Variants in SCG5 observed in about 807,000 individuals in gnomAD.
SCG5 encodes neuroendocrine protein 7B2.
Under a neutral mutation model 25.7 loss-of-function variants are expected in SCG5, and 18 were observed. The ratio of observed to expected loss-of-function variants is 0.70; its 90% CI spans 0.48 to 1.04. The LOEUF (loss-of-function observed/expected upper bound fraction) is 1.04. Among genes scored for constraint, SCG5 ranks in the 50% least tolerant of loss-of-function variants. The probability of loss-of-function intolerance (pLI) is 0.00; values close to 1 mark genes in which losing one functional copy is unlikely to be tolerated. For synonymous variants in SCG5, 101 were observed against 91.7 expected (o/e 1.10, Z -0.58); for missense variants, 206 against 259.8 (o/e 0.79, Z 1.42).
At chr15:32,658,412 G>A (rs1205247004) in intron 2 of SCG5, among the ~76,000 whole-genome samples, 1 of 152,210 alleles carries the variant, frequency 6.6e-6, no homozygotes, top group Non-Finnish European at 1.5e-5. Flanking sequence ...TTGAGGACGG[G>A]TAGGATGTAG....
chr15:32,691,995 A>T (rs6494593), intron 5 of SCG5: 1 of 1,382,334 alleles, frequency 7.2e-7, no homozygotes, highest in Non-Finnish European at 9.3e-7. Context: ...AGTCTGTAGC[A>T]ATTCTAGCAA....
intron 4 of SCG5, among the ~76,000 whole-genome samples, chr15:32,686,893 C>T (rs1047374923): frequency 6.6e-6 from 1 of 152,088 alleles, no homozygotes; most frequent in African/African-American, 2.4e-5. Context: ...ATTCTGAGGG[C>T]CAGGGGCAAT....
At chr15:32,648,858 G>A (rs2053991042) in intron 2 of SCG5, among the ~76,000 whole-genome samples, 1 of 150,656 alleles carries the variant, frequency 6.6e-6, no homozygotes, top group East Asian at 1.9e-4. Flanking sequence ...TGCAAGCTCC[G>A]CCTCCCGGGT....
intron 5 of SCG5, 159 bp downstream of exon 5, chr15:32,691,922 T>G: frequency 6.8e-7 from 1 of 1,471,312 alleles, no homozygotes; most frequent in East Asian, 2.6e-5. Context: ...ACCCAGAAAG[T>G]CTGTCCTTGG....
chr15:32,656,925 GT>G (rs1463404832), intron 2 of SCG5, among the ~76,000 whole-genome samples: 2 of 151,574 alleles, frequency 1.3e-5, no homozygotes, highest in African/African-American at 4.8e-5. Flanking sequence ...GGGGGACTTG[GT>G]TTGTACAGCA....
At chr15:32,692,372 A>G (rs1442666154) in intron 5 of SCG5, 1 of 668,152 alleles carries the variant, frequency 1.5e-6, no homozygotes, top group Admixed American at 6.3e-5. Context: ...TGCCCAAGGT[A>G]GGAACTTGGT....
chr15:32,659,724 G>A (rs188478977), intron 2 of SCG5, among the ~76,000 whole-genome samples: 10 of 152,286 alleles, frequency 6.6e-5, no homozygotes, highest in South Asian at 2.1e-4. Context: ...AGCCCTGCAC[G>A]GTTTGGACAA....
At chr15:32,642,593 A>G (rs993539681) in intron 1 of SCG5, among the ~76,000 whole-genome samples, 1 of 150,320 alleles carries the variant, frequency 6.7e-6, no homozygotes. Context: ...AAAAAAAAAA[A>G]AAGGGTTTGC....
Position 32,643,735 on chromosome 15 carries a change from T to C in SCG5, c.143T>C (p.Met48Thr), listed in dbSNP as rs775209230. The change falls in exon 2 of 6, where the codon ATG becomes ACG. Residue 48 changes from methionine to threonine, a missense_variant. By Grantham distance (81) the Met-to-Thr change is moderately conservative. Coordinates refer to ENST00000300175, the MANE Select transcript of SCG5 (RefSeq NM_001144757.3). ...ATCCAGAGGCTGCTTCATGGTGTTA[T>C]GGAGCAATTGGGCATTGCCAGGCCC... ...ADIQRLLHGV[M>T]EQLGIARPRV... The C allele has an allele frequency of 2.5e-6, 4 of 1,613,870 alleles. No individual in the cohort carries two copies. Among genetic ancestry groups the C allele is most frequent in the South Asian group, 1.1e-5 (1 of 91,084 alleles).
chr15:32,646,140 T>C (rs1206325329), intron 2 of SCG5, among the ~76,000 whole-genome samples: 1 of 152,226 alleles, frequency 6.6e-6, no homozygotes, highest in Admixed American at 6.5e-5. Context: ...AAGTCTCCCC[T>C]ATCAGTATCT....
chr15:32,672,470 C>G (rs1403127311), intron 2 of SCG5, among the ~76,000 whole-genome samples: 3 of 152,180 alleles, frequency 2.0e-5, no homozygotes, highest in Non-Finnish European at 4.4e-5. Context: ...CACTCAGGTG[C>G]GAAGGAACCA....
At chr15:32,662,799 T>G (rs1451391546) in intron 2 of SCG5, among the ~76,000 whole-genome samples, 1 of 151,632 alleles carries the variant, frequency 6.6e-6, no homozygotes, top group Non-Finnish European at 1.5e-5. Flanking sequence ...TTTCCTGTAA[T>G]GGCCACCAGG....
rs1275363154 is a variant in SCG5 at position 32,679,764 on chromosome 15, A to G, written c.227-2A>G. ...AATGAACTACTTCTGATTCCCTCGC[A>G]GGTGGAGCTCATGAAGGACTTCAGC... On this transcript the variant is annotated splice_acceptor_variant, in intron 2 of 5. Coordinates refer to ENST00000300175, the MANE Select transcript of SCG5 (RefSeq NM_001144757.3). LOFTEE classifies it high-confidence loss of function. 6.2e-7 allele frequency: 1 copy of G among 1,613,790 alleles called. No individual in the cohort carries two copies. Among genetic ancestry groups the G allele is most frequent in the East Asian group, 2.2e-5 (1 of 44,894 alleles).
At chr15:32,649,619 G>A (rs1403951679) in intron 2 of SCG5, among the ~76,000 whole-genome samples, 1 of 152,022 alleles carries the variant, frequency 6.6e-6, no homozygotes. Context: ...AGTGGTCGCT[G>A]GGGTAGAAGC....
At chr15:32,672,150 G>C (rs1226075426) in intron 2 of SCG5, among the ~76,000 whole-genome samples, 6 of 152,380 alleles carry the variant, frequency 3.9e-5, no homozygotes, top group African/African-American at 1.2e-4. Context: ...AGTGAAAACT[G>C]CTGGACCCGT....
chr15:32,695,206 G>T (rs948362616), intron 5 of SCG5, among the ~76,000 whole-genome samples: 4 of 151,814 alleles, frequency 2.6e-5, no homozygotes, highest in African/African-American at 9.7e-5. Flanking sequence ...TAGTAGAGAC[G>T]GGGTTTCACC....
In SCG5 at chr15:32,657,159, C is replaced by G. The variant is rs1476459531; in HGVS notation, c.226+13341C>G. Among the ~76,000 whole-genome samples, 42 of 81,608 alleles carry G rather than the reference C, an allele frequency of 5.1e-4. 1 individual carries two copies. Among genetic ancestry groups the G allele is most frequent in the African/African-American group, 1.6e-3 (40 of 24,956 alleles). The allele number at this position is 81,608 out of a possible 152,430, so 53.5% of individuals were successfully genotyped here. A position where few individuals can be genotyped will look rare whatever the true frequency, so the allele number is the denominator to read the frequency against. On this transcript the variant is annotated intron_variant, in intron 2 of 5. Coordinates refer to ENST00000300175, the MANE Select transcript of SCG5 (RefSeq NM_001144757.3). ...TATAAAATGGTACACAGGTGCAAAG[C>G]ATCATTCTCATGGTCCTTAATTCTT... is the stretch of plus-strand genomic sequence containing the variant.
At chr15:32,663,051 AT>A (rs56261336) in intron 2 of SCG5, among the ~76,000 whole-genome samples, 27,165 of 75,262 alleles carry the variant, frequency 0.36, 4,187 homozygotes, top group Middle Eastern at 0.44. Context: ...ATATATATAT[AT>A]ATATATATAT....
rs1372770321 is a variant in SCG5, at chr15:32,691,770, C to T, written c.543+7C>T. 6.2e-6 allele frequency: 10 copies of T among 1,612,088 alleles called. No homozygotes were observed. Among genetic ancestry groups the T allele is most frequent in the East Asian group, 4.5e-5 (2 of 44,870 alleles). On this transcript the variant is annotated splice_region_variant and intron_variant, in intron 5 of 5. Transcript: ENST00000300175. ...AGAGAGACGAAAGCGGAGGGTAACA[C>T]GTGCCTGGCTGGATTGTTGCGGGGA...
Sources: gnomAD v4.1 joint callset for allele counts (sites outside exome capture counted in the v4.1 genomes callset) on GRCh38, gnomAD v4.1.1 for gene constraint, MANE v1.5 for transcripts, NCBI Gene and HGNC (gene_info 2026-07-23, HGNC 2026-07-21) for gene names.